CHD9: variants seen among roughly 807,000 people sequenced by gnomAD.
CHD9 encodes chromodomain helicase DNA binding protein 9.
In CHD9, 77 loss-of-function variants were observed where a neutral mutation model predicts 316.1. The observed-to-expected ratio is 0.24, with a 90% CI of 0.20 to 0.29. The LOEUF (loss-of-function observed/expected upper bound fraction) is 0.29, where lower values mean the gene tolerates loss of function less well. CHD9 is among the 10% of genes least tolerant of loss of function. The probability of loss-of-function intolerance (pLI) is 1.00; values close to 1 mark genes in which losing one functional copy is unlikely to be tolerated. For synonymous variants in CHD9, 1,129 were observed against 1,158.3 expected (o/e 0.97, Z 0.51); for missense variants, 2,763 against 3,438.1 (o/e 0.80, Z 4.91).
chr16:53,087,685 T>G lies in CHD9; in HGVS notation c.-165+32608T>G, dbSNP rs375411087. Among the ~76,000 whole-genome samples the G allele has an allele frequency of 1.6e-4, 24 of 152,270 alleles. No homozygotes were observed. The East Asian group carries it at 4.4e-3, about 28-fold the overall frequency. On this transcript the variant is annotated intron_variant, in intron 1 of 38. Transcript: ENST00000447540. ...ATTCAAGACTGGACACAGTGGCTCA[T>G]GCCTGTAATCCCAGCACTTTGGAAG...
intron 2 of CHD9, among the ~76,000 whole-genome samples, chr16:53,184,773 A>T (rs953599898): frequency 2.0e-5 from 3 of 152,144 alleles, no homozygotes; most frequent in African/African-American, 7.2e-5. Context: ...GAGAGGGACC[A>T]AGTGGAGATA....
At chr16:53,151,202 TCCCCTCCCCTCCC>T (rs1413670283) in intron 1 of CHD9, among the ~76,000 whole-genome samples, 16 of 80,818 alleles carry the variant, frequency 2.0e-4, no homozygotes, top group African/African-American at 3.8e-4. Context: ...TTCCCTCCCC[TCCCCTCCCCTCCC>T]CCCCTCCCCT....
intron 2 of CHD9, among the ~76,000 whole-genome samples, chr16:53,204,023 C>CAAAA (rs530552464): frequency 3.1e-4 from 15 of 48,334 alleles, no homozygotes; most frequent in African/African-American, 6.9e-4. Flanking sequence ...GACTCCATCT[C>CAAAA]AAAAAAAAAA....
At chr16:53,127,391 A>G (rs2039016652) in intron 1 of CHD9, among the ~76,000 whole-genome samples, 1 of 152,346 alleles carries the variant, frequency 6.6e-6, no homozygotes, top group Admixed American at 6.5e-5. Flanking sequence ...GGTGACCTAA[A>G]CCAAAATGCT....
At chr16:53,092,293 C>CT (rs11438321) in intron 1 of CHD9, among the ~76,000 whole-genome samples, 118,176 of 152,106 alleles carry the variant, frequency 0.78, 46,176 homozygotes, top group East Asian at 0.82. Context: ...CCTTCTTCCA[C>CT]CCATTTCTAG....
intron 1 of CHD9, among the ~76,000 whole-genome samples, chr16:53,148,304 C>T (rs1043125450): frequency 1.1e-4 from 16 of 152,176 alleles, no homozygotes; most frequent in African/African-American, 3.9e-4. Context: ...AGTGCAGTGA[C>T]GCAGTCAGCT....
chr16:53,111,627 T>C (rs2152617699), intron 1 of CHD9, among the ~76,000 whole-genome samples: 1 of 152,350 alleles, frequency 6.6e-6, no homozygotes, highest in Non-Finnish European at 1.5e-5. Context: ...ACGAATACCA[T>C]GGGAAGATTC....
At chr16:53,227,259 T>C in intron 5 of CHD9, 137 bp from the exon 6 acceptor site, 1 of 578,970 alleles carries the variant, frequency 1.7e-6, no homozygotes, top group South Asian at 2.1e-5. Flanking sequence ...TTTGTATTTC[T>C]AACACGTAAC....
At chr16:53,088,319 C>G (rs1290863832) in intron 1 of CHD9, among the ~76,000 whole-genome samples, 2 of 146,552 alleles carry the variant, frequency 1.4e-5, no homozygotes, top group African/African-American at 5.0e-5. Context: ...GTTCTGTCGC[C>G]CAGGCTGGAG....
chr16:53,314,615 T>A, intron 35 of CHD9, 99 bp downstream of exon 35: 1 of 1,077,704 alleles, frequency 9.3e-7, no homozygotes, highest in Non-Finnish European at 1.3e-6. Flanking sequence ...AGACTATTAG[T>A]AAGGAAATTA....
chr16:53,221,916 C>G (rs1238228253), intron 3 of CHD9, among the ~76,000 whole-genome samples: 13 of 152,008 alleles, frequency 8.6e-5, no homozygotes, highest in African/African-American at 3.1e-4. Context: ...AGAAAAAAAT[C>G]TGTCATTGGA....
intron 1 of CHD9, among the ~76,000 whole-genome samples, chr16:53,061,333 A>T (rs1398726529): frequency 6.6e-6 from 1 of 152,230 alleles, no homozygotes; most frequent in Admixed American, 6.5e-5. Context: ...GTGAATCTCC[A>T]TTGAACATTG....
chr16:53,277,732 A>T (rs1481017025), intron 24 of CHD9, among the ~76,000 whole-genome samples: 1 of 152,120 alleles, frequency 6.6e-6, no homozygotes, highest in African/African-American at 2.4e-5. Flanking sequence ...ACCACTTCTG[A>T]TCAACATAGT....
chr16:53,226,164 T>C (rs185448397), intron 4 of CHD9, among the ~76,000 whole-genome samples: 1 of 152,192 alleles, frequency 6.6e-6, no homozygotes, highest in Non-Finnish European at 1.5e-5. Context: ...TTGTAGGAAG[T>C]AGAACTGTAG....
At chr16:53,105,041 G>C (rs142502935) in intron 1 of CHD9, among the ~76,000 whole-genome samples, 2 of 151,966 alleles carry the variant, frequency 1.3e-5, no homozygotes, top group South Asian at 4.2e-4. Flanking sequence ...TGGAGGTCTC[G>C]CTAATTGCCC....
At chr16:53,129,811 G>T (rs367561063) in intron 1 of CHD9, among the ~76,000 whole-genome samples, 1 of 152,190 alleles carries the variant, frequency 6.6e-6, no homozygotes, top group Non-Finnish European at 1.5e-5. Flanking sequence ...GCCAGCTAAG[G>T]ACCTGAAAGG....
chr16:53,248,285 G>A (rs920987154), intron 16 of CHD9: 5 of 150,880 alleles, frequency 3.3e-5, no homozygotes, highest in African/African-American at 1.2e-4. Context: ...GCAGTGAGCC[G>A]AGATCGTGCC....
At chr16:53,241,325 C>A (rs1485121063) in intron 12 of CHD9, among the ~76,000 whole-genome samples, 1 of 152,196 alleles carries the variant, frequency 6.6e-6, no homozygotes, top group African/African-American at 2.4e-5. Flanking sequence ...TCTTATCTTC[C>A]CTATATCTAA....
rs528367607 is a variant in CHD9 at position 53,289,927 on chromosome 16, C to G, written c.5248-1798C>G. On this transcript the variant is annotated intron_variant, in intron 27 of 38. Coordinates refer to ENST00000447540, the MANE Select transcript of CHD9 (RefSeq NM_001308319.2). ...CACTGGAAGCACTTCACTCACAAAA[C>G]CACTCAAGAGGGAGGTTACTGGGAA... Among the ~76,000 whole-genome samples, 7 of 152,316 alleles carry G rather than the reference C, an allele frequency of 4.6e-5. No individual in the cohort carries two copies. In the East Asian group the frequency reaches 9.6e-4, roughly 21 times the overall value.
Sources: gnomAD v4.1 joint callset for allele counts (sites outside exome capture counted in the v4.1 genomes callset) on GRCh38, gnomAD v4.1.1 for gene constraint, MANE v1.5 for transcripts, NCBI Gene and HGNC (gene_info 2026-07-23, HGNC 2026-07-21) for gene names.